The following CSMD1 variants were observed in gnomAD, a reference collection of about 807,000 sequenced individuals.
CSMD1 encodes CUB and Sushi multiple domains 1, also known as CUB and sushi domain-containing protein 1.
In CSMD1, 213 loss-of-function variants were observed where a neutral mutation model predicts 417.5. That is an observed-to-expected ratio of 0.51 (90% CI 0.46 to 0.57). The LOEUF is 0.57. Ranked by LOEUF, CSMD1 falls within the 20% of genes least tolerant of loss-of-function variation. The pLI is 0.00. For missense variants in CSMD1, 6,923 were observed against 4,529.7 expected, an observed-to-expected ratio of 1.53 and a Z score of -15.17; for synonymous variants, 2,862 against 1,736.8, an observed-to-expected ratio of 1.65 and a Z score of -16.11.
chr8:3,099,138 C>G (rs1815553677), intron 46 of CSMD1, among the ~76,000 whole-genome samples: 1 of 152,158 alleles, frequency 6.6e-6, no homozygotes, highest in East Asian at 1.9e-4. Context: ...TATCCAAGCG[C>G]TGCAGTGAAG....
chr8:4,239,952 T>C (rs558577581), intron 3 of CSMD1, among the ~76,000 whole-genome samples: 2 of 152,286 alleles, frequency 1.3e-5, no homozygotes, highest in African/African-American at 4.8e-5. Context: ...ATAATGCACT[T>C]TTAAATCCAA....
chr8:3,855,081 A>C (rs755876785), intron 5 of CSMD1, among the ~76,000 whole-genome samples: 11 of 152,178 alleles, frequency 7.2e-5, no homozygotes, highest in Non-Finnish European at 1.5e-4. Context: ...CAAAATATCA[A>C]GAGTATTTAC....
At chr8:3,553,830 C>A (rs1585354235) in intron 10 of CSMD1, among the ~76,000 whole-genome samples, 1 of 152,098 alleles carries the variant, frequency 6.6e-6, no homozygotes, top group East Asian at 1.9e-4. Context: ...ATATTTGTAT[C>A]ACTCTTGAAA....
chr8:4,925,215 G>GGTTTTTTTTTTTTT (rs762807942), intron 1 of CSMD1, among the ~76,000 whole-genome samples: 2 of 72,740 alleles, frequency 2.7e-5, no homozygotes, highest in South Asian at 6.9e-4. Flanking sequence ...CAGTTTTATG[G>GGTTTTTTTTTTTTT]TTTTTTTTTT....
chr8:3,308,163 G>A (rs1219384317), intron 24 of CSMD1, 149 bp downstream of exon 24: 8 of 649,506 alleles, frequency 1.2e-5, no homozygotes, highest in Admixed American at 2.9e-5. Context: ...CACACTCACA[G>A]ACACGTGCAA....
At chr8:3,439,881 A>G (rs1814860076) in intron 12 of CSMD1, among the ~76,000 whole-genome samples, 1 of 152,294 alleles carries the variant, frequency 6.6e-6, no homozygotes, top group South Asian at 2.1e-4. Flanking sequence ...ATGTATGTCC[A>G]GTTGTCCTGG....
chr8:3,647,326 G>A (rs1272006970), intron 7 of CSMD1, among the ~76,000 whole-genome samples: 1 of 152,184 alleles, frequency 6.6e-6, no homozygotes, highest in African/African-American at 2.4e-5. Flanking sequence ...CCTTGGCCAG[G>A]AGAGAGGTAA....
At chr8:4,094,931 G>A (rs772663926) in intron 3 of CSMD1, among the ~76,000 whole-genome samples, 3 of 152,182 alleles carry the variant, frequency 2.0e-5, no homozygotes, top group South Asian at 2.1e-4. Flanking sequence ...AGTCATTGAA[G>A]GTTTTGAACT....
Position 4,461,828 on chromosome 8 carries a change from C to T in CSMD1, c.303-41763G>A, listed in dbSNP as rs576792746. On this transcript the variant is annotated intron_variant, in intron 2 of 69. Transcript: ENST00000635120. ...CGATCTCAGCTCACTGCAAGCTCCA[C>T]CTACGGGGTTCCCGCCATTCTCCTG... Among the ~76,000 whole-genome samples, 11 of 151,140 alleles carry T rather than the reference C, an allele frequency of 7.3e-5. No individual in the cohort carries two copies. In the South Asian group the frequency reaches 1.3e-3, roughly 17 times the overall value.
chr8:4,503,190 C>A (rs1267923099), intron 2 of CSMD1, among the ~76,000 whole-genome samples: 1 of 152,074 alleles, frequency 6.6e-6, no homozygotes, highest in Non-Finnish European at 1.5e-5. Flanking sequence ...TCCGTCTAAG[C>A]CAGGTAATTC....
intron 12 of CSMD1, among the ~76,000 whole-genome samples, chr8:3,426,952 T>C (rs1813882993): frequency 6.6e-6 from 1 of 151,972 alleles, no homozygotes; most frequent in African/African-American, 2.4e-5. Context: ...TGGTGGAAGG[T>C]AAAGGGGAAG....
chr8:3,371,500 A>C (rs1047945492), intron 18 of CSMD1, among the ~76,000 whole-genome samples: 9 of 150,824 alleles, frequency 6.0e-5, no homozygotes, highest in Non-Finnish European at 1.3e-4. Context: ...TAACATGCCC[A>C]CATTCTGTGC....
chr8:3,471,256 T>G (rs1041590344), intron 11 of CSMD1, among the ~76,000 whole-genome samples: 2 of 152,218 alleles, frequency 1.3e-5, no homozygotes, highest in African/African-American at 4.8e-5. Context: ...CTCATGGGTT[T>G]ATTTGCCATT....
At chr8:4,543,393 G>C (rs1053580677) in intron 2 of CSMD1, among the ~76,000 whole-genome samples, 2 of 152,170 alleles carry the variant, frequency 1.3e-5, no homozygotes, top group South Asian at 4.1e-4. Context: ...GAATTATACA[G>C]TTTGTAGCCT....
At chr8:3,927,062 G>A (rs1422564381) in intron 5 of CSMD1, among the ~76,000 whole-genome samples, 2 of 151,500 alleles carry the variant, frequency 1.3e-5, no homozygotes, top group Non-Finnish European at 2.9e-5. Flanking sequence ...TTTTATAAGA[G>A]GTAATTTAGT....
At chr8:3,478,214 T>C (rs1817538409) in intron 11 of CSMD1, among the ~76,000 whole-genome samples, 1 of 152,248 alleles carries the variant, frequency 6.6e-6, no homozygotes, top group Non-Finnish European at 1.5e-5. Context: ...ACAATCGCTA[T>C]TTTAAATTCA....
At chr8:3,481,658 G>C (rs745381003) in intron 11 of CSMD1, among the ~76,000 whole-genome samples, 1 of 152,192 alleles carries the variant, frequency 6.6e-6, no homozygotes, top group African/African-American at 2.4e-5. Context: ...GCCACCACTA[G>C]TATCCATATA....
chr8:4,286,655 G>A (rs1276873248), intron 3 of CSMD1, among the ~76,000 whole-genome samples: 1 of 152,158 alleles, frequency 6.6e-6, no homozygotes, highest in African/African-American at 2.4e-5. Flanking sequence ...CAAGAAAGGG[G>A]ATAGCAATCA....
intron 1 of CSMD1, among the ~76,000 whole-genome samples, chr8:4,857,196 T>C (rs1206136643): frequency 2.7e-5 from 4 of 149,638 alleles, no homozygotes; most frequent in African/African-American, 9.9e-5. Context: ...AAGGCAGAAA[T>C]AAAGATGTTC....
Sources: allele counts gnomAD v4.1 joint callset (sites outside exome capture counted in the v4.1 genomes callset), GRCh38; gene constraint gnomAD v4.1.1; transcripts MANE v1.5; gene names NCBI Gene and HGNC (gene_info 2026-07-23, HGNC 2026-07-21).